SYT5: variants seen among roughly 807,000 people sequenced by gnomAD.
SYT5 encodes the protein synaptotagmin 5, also known as synaptotagmin-5.
Under a neutral mutation model 36.0 loss-of-function variants are expected in SYT5, and 29 were observed. The observed-to-expected ratio is 0.81, with a 90% CI of 0.60 to 1.10. SYT5 has a LOEUF of 1.10. Ranked by LOEUF, SYT5 falls within the 50% of genes least tolerant of loss-of-function variation. SYT5 has a pLI of 0.00. For missense variants in SYT5, 512 were observed against 516.0 expected (o/e 0.99, Z 0.08); for synonymous variants, 231 against 227.6 (o/e 1.02, Z -0.14).
chr19:55,174,702 C>G (rs1197436762), intron 7 of SYT5, 52 bp from the exon 8 acceptor site: 7 of 1,612,422 alleles, frequency 4.3e-6, no homozygotes, highest in Non-Finnish European at 5.9e-6. Flanking sequence ...GGTTGTTGGA[C>G]CAACATAGAA....
Position 55,173,354 on chromosome 19 carries a change from G to T in SYT5, c.*130C>A. ...GAAGACAGGAATGGTTCAGATGGTT[G>T]GGGTGGAAGGTGGGGGGAGGGTAAC... is the stretch of plus-strand genomic sequence containing the variant. On this transcript the variant is annotated 3_prime_UTR_variant, in exon 9 of 9. Transcript: ENST00000354308. This position sits in a 1 kb window ranked among gnomAD's most constrained non-coding sequence, Gnocchi z 5.4. 1.5e-6 allele frequency: 1 copy of T among 677,560 alleles called. No homozygotes were observed. The highest frequency in any genetic ancestry group is 2.2e-6 in the Non-Finnish European group (1 of 464,832). 42.0% of individuals were successfully genotyped at this position (677,560 alleles called of 1,614,324 possible). A position where few individuals can be genotyped will look rare whatever the true frequency, so the allele number is the denominator to read the frequency against.
At chr19:55,177,435 C>G (rs1852101801) in intron 3 of SYT5, 1 of 152,226 alleles carries the variant, frequency 6.6e-6, no homozygotes, top group South Asian at 2.1e-4. Context: ...GAAGTCACCT[C>G]CACCACGAAG....
intron 8 of SYT5, 105 bp downstream of exon 8, chr19:55,174,412 A>AC (rs2086046416): frequency 2.1e-6 from 3 of 1,419,148 alleles, no homozygotes; most frequent in Admixed American, 4.4e-5. Flanking sequence ...ATAACCTCAG[A>AC]CCCCCTCACC....
Position 55,178,943 on chromosome 19 carries a change from CA to C in SYT5, c.79+19del, listed in dbSNP as rs779572660. On this transcript the variant is annotated intron_variant, in intron 2 of 8. Coordinates refer to ENST00000354308, the MANE Select transcript of SYT5 (RefSeq NM_003180.3). The stretch of plus-strand genomic sequence containing the variant: ...CAGGCTTTCTCTCTGCTCGGCCCCC[CA>C]CCCCCGGGTCTTGCTCACCTGGGCC... 2.0e-6 allele frequency: 3 copies of C among 1,483,108 alleles called. No homozygotes were observed. Among genetic ancestry groups the C allele is most frequent in the Non-Finnish European group, 2.7e-6 (3 of 1,117,866 alleles). The allele number at this position is 1,483,108 out of a possible 1,614,324, so 91.9% of individuals were successfully genotyped here.
Position 55,176,000 on chromosome 19 carries a change from C to T in SYT5, c.372+5G>A, listed in dbSNP as rs1415688746. 6.2e-7 allele frequency: 1 copy of T among 1,614,022 alleles called. No homozygotes were observed. The highest frequency in any genetic ancestry group is 1.1e-5 in the South Asian group (1 of 91,086). On this transcript the variant is annotated splice_donor_5th_base_variant and intron_variant, in intron 4 of 8. Coordinates refer to ENST00000354308, the MANE Select transcript of SYT5 (RefSeq NM_003180.3). This position sits in a 1 kb window ranked among gnomAD's most constrained non-coding sequence, Gnocchi z 4.5. ...CTCCAAAGCTTCCCCTTCCTCCACA[C>T]CCACCTGGCCACTCTGGAAGTCATA...
Position 55,178,185 on chromosome 19 carries a change from C to CT in SYT5, c.252+10dup, listed in dbSNP as rs760812339. The CT allele has an allele frequency of 1.2e-6, 2 of 1,605,466 alleles. No homozygotes were observed. Among genetic ancestry groups the CT allele is most frequent in the South Asian group, 2.2e-5 (2 of 89,688 alleles). On this transcript the variant is annotated intron_variant, in intron 3 of 8. Transcript: ENST00000354308. ...GAAGGGGCCAGGTGGAGGGGCTGGG[C>CT]TGGGCCACACCTTGTCTATGTAACT...
Position 55,171,606 on chromosome 19 carries a change from A to C in SYT5, c.*1878T>G, listed in dbSNP as rs2147320825. The C allele has an allele frequency of 6.6e-6, 1 of 152,220 alleles. No homozygotes were observed. The highest frequency in any genetic ancestry group is 1.9e-4 in the East Asian group (1 of 5,180). The allele number at this position is 152,220 out of a possible 1,614,324, so 9.4% of individuals were successfully genotyped here. Reference sequence around the variant, plus strand: ...ACCACCCAAAATTCTGTATGGGATGAGATAAGGTAGAAGCCAATGGAACTA... The same window carrying C: ...ACCACCCAAAATTCTGTATGGGATGCGATAAGGTAGAAGCCAATGGAACTA... On this transcript the variant is annotated 3_prime_UTR_variant, in exon 9 of 9. Coordinates refer to ENST00000354308, the MANE Select transcript of SYT5 (RefSeq NM_003180.3).
Position 55,179,425 on chromosome 19 carries a change from G to A in SYT5, c.-45-339C>T. 1 of 455,190 alleles carries A rather than the reference G, an allele frequency of 2.2e-6. No homozygotes were observed. The allele number at this position is 455,190 out of a possible 1,614,324, so 28.2% of individuals were successfully genotyped here. A position where few individuals can be genotyped will look rare whatever the true frequency, so the allele number is the denominator to read the frequency against. On this transcript the variant is annotated intron_variant, in intron 1 of 8. Transcript: ENST00000354308. The surrounding 1 kb of genome is among the most constrained non-coding windows in gnomAD (Gnocchi z 4.5). ...AGAGCAACAGCCGGGCTCCTCTCAA[G>A]CGGGGTGAGAGCAAAGCTGGTTGCC...
In SYT5 at chr19:55,179,161, T is replaced by C. The variant is rs1022628673; in HGVS notation, c.-45-75A>G. 5 of 1,536,158 alleles carry C rather than the reference T, an allele frequency of 3.3e-6. No homozygotes were observed. The African/African-American group carries it at 5.5e-5, about 17-fold the overall frequency. On this transcript the variant is annotated intron_variant, in intron 1 of 8. Coordinates refer to ENST00000354308, the MANE Select transcript of SYT5 (RefSeq NM_003180.3). This position sits in a 1 kb window ranked among gnomAD's most constrained non-coding sequence, Gnocchi z 4.5. ...AAGAACTCCAACTCCCATGAGGCCT[T>C]TGCGCGAACAGCCGCGCAGAAACCG...
intron 7 of SYT5, 26 bp downstream of exon 7, chr19:55,174,856 A>T (rs774991772): frequency 1.1e-5 from 18 of 1,606,398 alleles, no homozygotes; most frequent in Non-Finnish European, 1.5e-5. Context: ...ATCCCCACAC[A>T]CCCCACTCCC....
At position 55,174,063 on chromosome 19, in the gene SYT5, C is replaced by A. The variant is rs543419752; in HGVS notation, c.961-379G>T. 153 of 222,378 alleles carry A rather than the reference C, an allele frequency of 6.9e-4. 1 individual carries two copies. The highest frequency in any genetic ancestry group is 1.2e-3 in the Non-Finnish European group (138 of 114,644). 13.8% of individuals were successfully genotyped at this position (222,378 alleles called of 1,614,324 possible). A position where few individuals can be genotyped will look rare whatever the true frequency, so the allele number is the denominator to read the frequency against. On this transcript the variant is annotated intron_variant, in intron 8 of 8. Coordinates refer to ENST00000354308, the MANE Select transcript of SYT5 (RefSeq NM_003180.3). ...GAGGGGAGGTCTCTTTTTCTTAGAA[C>A]CACGTTCCTGAGGAGGGCGGGGCAT...
chr19:55,176,755 A>G (rs1339308705), intron 3 of SYT5, among the ~76,000 whole-genome samples: 1 of 149,910 alleles, frequency 6.7e-6, no homozygotes, highest in Non-Finnish European at 1.5e-5. Flanking sequence ...ACGGTCTTTG[A>G]ACATCACTGG....
Position 55,175,993 on chromosome 19 carries a change from C to T in SYT5, c.372+12G>A, listed in dbSNP as rs1599944711. 2 of 1,613,892 alleles carry T rather than the reference C, an allele frequency of 1.2e-6. No homozygotes were observed. The highest frequency in any genetic ancestry group is 2.7e-5 in the African/African-American group (2 of 74,936). On this transcript the variant is annotated intron_variant, in intron 4 of 8. Transcript: ENST00000354308. This position sits in a 1 kb window ranked among gnomAD's most constrained non-coding sequence, Gnocchi z 4.5. ...ATCCTCCCTCCAAAGCTTCCCCTTC[C>T]TCCACACCCACCTGGCCACTCTGGA...
chr19:55,178,924 T>TTC lies in SYT5; in HGVS notation c.79+37_79+38dup, dbSNP rs750411103. The TTC allele has an allele frequency of 6.7e-5, 97 of 1,441,934 alleles. No individual in the cohort carries two copies. In the African/African-American group the frequency reaches 1.1e-3, roughly 17 times the overall value. The allele number at this position is 1,441,934 out of a possible 1,614,324, so 89.3% of individuals were successfully genotyped here. A position where few individuals can be genotyped will look rare whatever the true frequency, so the allele number is the denominator to read the frequency against. ...CGCCCCTCGGAATCCTGGCCAGGCTTTCTCTCTGCTCGGCCCCCCACCCCC... is the reference window on the plus strand; with the variant it reads ...CGCCCCTCGGAATCCTGGCCAGGCTTTCTCTCTCTGCTCGGCCCCCCACCCCC... On this transcript the variant is annotated intron_variant, in intron 2 of 8. Transcript: ENST00000354308.
Position 55,174,514 on chromosome 19 carries a change from C to T in SYT5, c.960+3G>A, listed in dbSNP as rs764958124. 2 of 1,613,994 alleles carry T rather than the reference C, an allele frequency of 1.2e-6. No homozygotes were observed. The highest frequency in any genetic ancestry group is 2.2e-5 in the South Asian group (2 of 91,062). The stretch of plus-strand genomic sequence containing the variant: ...TCTTGGAGAAGGGCAGGTTTGAGCT[C>T]ACCTGGACTTGGTCACAGGGCACCT... On this transcript the variant is annotated splice_donor_region_variant and intron_variant, in intron 8 of 8. Coordinates refer to ENST00000354308, the MANE Select transcript of SYT5 (RefSeq NM_003180.3).
At position 55,175,418 on chromosome 19, in the gene SYT5, A is replaced by G. The variant is rs75800164; in HGVS notation, c.541-79T>C. The G allele has an allele frequency of 0.049, 68,916 of 1,415,436 alleles. 4,566 individuals carry two copies. The highest frequency in any genetic ancestry group is 0.29 in the Admixed American group (10,420 of 36,428). 87.7% of individuals were successfully genotyped at this position (1,415,436 alleles called of 1,614,324 possible). ...GGCACAGCACAACCAGAAGGAAGGC[A>G]TGGAGTGAGGCAGCGAGGGTCGAAG... On this transcript the variant is annotated intron_variant, in intron 5 of 8. Transcript: ENST00000354308. This position sits in a 1 kb window ranked among gnomAD's most constrained non-coding sequence, Gnocchi z 4.5.
Position 55,175,823 on chromosome 19 carries a change from G to A in SYT5, c.426C>T (p.Gly142=). ...AMGLAALDLG[G]SSDPYVRVYL... ...AGACCCGCACATAGGGGTCCGAGGA[G>A]CCACCAAGATCCAAGGCTGCCAATC... is the stretch of plus-strand genomic sequence containing the variant. The change falls in exon 5 of 9, where the codon GGC becomes GGT. Residue 142 remains glycine, a synonymous_variant. Coordinates refer to ENST00000354308, the MANE Select transcript of SYT5 (RefSeq NM_003180.3). This position sits in a 1 kb window ranked among gnomAD's most constrained non-coding sequence, Gnocchi z 4.5. The A allele has an allele frequency of 6.2e-7, 1 of 1,614,184 alleles. No homozygotes were observed. Among genetic ancestry groups the A allele is most frequent in the Non-Finnish European group, 8.5e-7 (1 of 1,180,030 alleles).
At chr19:55,177,868 TTA>T (rs773360578) in intron 3 of SYT5, among the ~76,000 whole-genome samples, 6 of 152,140 alleles carry the variant, frequency 3.9e-5, no homozygotes, top group South Asian at 4.1e-4. Context: ...AGCCAAATAT[TTA>T]TATGTTTCTG....
chr19:55,175,116 T>A lies in SYT5; in HGVS notation c.708+56A>T, dbSNP rs1342262470. The stretch of plus-strand genomic sequence containing the variant: ...CCTATGATCTGATTGGCTCAGGATG[T>A]TGTGGGCGGGACTGGGCCTGGGGGC... On this transcript the variant is annotated intron_variant, in intron 6 of 8. Transcript: ENST00000354308. The surrounding 1 kb of genome is among the most constrained non-coding windows in gnomAD (Gnocchi z 4.5). The A allele has an allele frequency of 6.3e-7, 1 of 1,580,682 alleles. No homozygotes were observed. Among genetic ancestry groups the A allele is most frequent in the East Asian group, 2.3e-5 (1 of 43,984 alleles).
Sources: allele counts gnomAD v4.1 joint callset (sites outside exome capture counted in the v4.1 genomes callset), GRCh38; gene constraint gnomAD v4.1.1; non-coding constraint Gnocchi (gnomAD v3.1); transcripts MANE v1.5; gene names NCBI Gene and HGNC (gene_info 2026-07-23, HGNC 2026-07-21).